Variants in SSMEM1 observed in about 807,000 individuals in gnomAD.
The protein encoded by SSMEM1 is serine-rich single-pass membrane protein 1.
SSMEM1 carries 12 observed loss-of-function variants against 9.9 expected under a neutral mutation model. That is an observed-to-expected ratio of 1.21 (90% CI 0.78 to 1.96). The LOEUF (loss-of-function observed/expected upper bound fraction) is 1.96. SSMEM1 is among the 30% of genes most tolerant of loss of function. SSMEM1 has a pLI of 0.00. For synonymous variants in SSMEM1, 96 were observed against 98.9 expected (o/e 0.97, Z 0.17); for missense variants, 259 against 292.2 (o/e 0.89, Z 0.83).
Position 130,207,874 on chromosome 7 carries a change from C to G in SSMEM1, c.-37C>G. 3 of 1,608,884 alleles carry G rather than the reference C, an allele frequency of 1.9e-6. No individual in the cohort carries two copies. Among genetic ancestry groups the G allele is most frequent in the Non-Finnish European group, 2.5e-6 (3 of 1,176,666 alleles). On this transcript the variant is annotated 5_prime_UTR_variant, in exon 1 of 3. Coordinates refer to ENST00000297819, the MANE Select transcript of SSMEM1 (RefSeq NM_145268.4). ...AAGTAGTTCCCAGTCATCTTTATCCCTTTAAGCATGGTTTATTTTCTGAGC... is the reference window on the plus strand; with the variant it reads ...AAGTAGTTCCCAGTCATCTTTATCCGTTTAAGCATGGTTTATTTTCTGAGC...
At chr7:130,211,544 T>C (rs1371585675) in intron 1 of SSMEM1, among the ~76,000 whole-genome samples, 2 of 152,180 alleles carry the variant, frequency 1.3e-5, no homozygotes, top group African/African-American at 2.4e-5. Flanking sequence ...AGGCACCTCA[T>C]TAAAGATGCT....
intron 2 of SSMEM1, among the ~76,000 whole-genome samples, chr7:130,215,376 C>A (rs1435195198): frequency 6.6e-6 from 1 of 152,142 alleles, no homozygotes; most frequent in East Asian, 1.9e-4. Context: ...CATAAAAAAC[C>A]AGAAGAGCAC....
chr7:130,215,882 G>A (rs534722171), intron 2 of SSMEM1, 92 bp from the exon 3 acceptor site: 1 of 1,503,052 alleles, frequency 6.7e-7, no homozygotes, highest in East Asian at 2.3e-5. Flanking sequence ...TGGCCACTAA[G>A]AGTGAGCTCA....
At chr7:130,209,415 T>A (rs1798550497) in intron 1 of SSMEM1, among the ~76,000 whole-genome samples, 1 of 152,220 alleles carries the variant, frequency 6.6e-6, no homozygotes. Flanking sequence ...AAAGTCTAAA[T>A]GCTTCTTAAG....
chr7:130,213,573 G>A, intron 2 of SSMEM1, 39 bp downstream of exon 2: 1 of 1,578,596 alleles, frequency 6.3e-7, no homozygotes, highest in Non-Finnish European at 8.7e-7. Flanking sequence ...ACTATGAGGG[G>A]AAGAATATGT....
chr7:130,207,945 A>T lies in SSMEM1; in HGVS notation c.35A>T (p.Asp12Val). The stretch of plus-strand genomic sequence containing the variant: ...CTTTTTTCCTTATTTTGGGAGGTAG[A>T]TCCTCCCCCAATACCTGTAAATTGT... Reference protein sequence around the residue: ...GDLFSLFWEVDPPPIPVNCAI... With the variant: ...GDLFSLFWEVVPPPIPVNCAI... The change falls in exon 1 of 3, where the codon GAT (aspartate) becomes GTT (valine). Residue 12 changes from aspartate to valine, a missense_variant. Physicochemically the swap from Asp to Val is radical, Grantham distance 152. Coordinates refer to ENST00000297819, the MANE Select transcript of SSMEM1 (RefSeq NM_145268.4). 1.1e-5 allele frequency: 17 copies of T among 1,613,864 alleles called. No individual in the cohort carries two copies. Among genetic ancestry groups the T allele is most frequent in the Non-Finnish European group, 1.4e-5 (16 of 1,179,922 alleles).
chr7:130,214,157 C>T (rs536801703), intron 2 of SSMEM1, among the ~76,000 whole-genome samples: 60 of 152,302 alleles, frequency 3.9e-4, no homozygotes, highest in Admixed American at 4.6e-4. Flanking sequence ...AAAGGTTGCA[C>T]GTCATCTCAG....
At chr7:130,209,065 G>A (rs1798542786) in intron 1 of SSMEM1, among the ~76,000 whole-genome samples, 1 of 152,180 alleles carries the variant, frequency 6.6e-6, no homozygotes, top group African/African-American at 2.4e-5. Context: ...GTTTCACCAT[G>A]TTGGCCAGGC....
rs544552485 is a variant in SSMEM1, at chr7:130,216,714, G to C, written c.*244G>C. On this transcript the variant is annotated 3_prime_UTR_variant, in exon 3 of 3. Transcript: ENST00000297819. ...TATATCTGCTATGATTTTTTTATTT[G>C]AAATAGCACAAGACAGATATTTTGT... 9 of 507,510 alleles carry C rather than the reference G, an allele frequency of 1.8e-5. No homozygotes were observed. The South Asian group carries it at 2.4e-4, about 13-fold the overall frequency. 31.4% of individuals were successfully genotyped at this position (507,510 alleles called of 1,614,324 possible).
At chr7:130,212,296 C>T (rs553813596) in intron 1 of SSMEM1, among the ~76,000 whole-genome samples, 55 of 152,236 alleles carry the variant, frequency 3.6e-4, no homozygotes, top group African/African-American at 1.3e-3. Context: ...ATCATGATTA[C>T]ATTTTGGAGG....
chr7:130,216,618 C>CTCA lies in SSMEM1; in HGVS notation c.*149_*151dup. On this transcript the variant is annotated 3_prime_UTR_variant, in exon 3 of 3. Coordinates refer to ENST00000297819, the MANE Select transcript of SSMEM1 (RefSeq NM_145268.4). The stretch of plus-strand genomic sequence containing the variant: ...ATACTTGGAACCCAAGAGGTAAAAT[C>CTCA]TCACACAATTCTTCGTTCAAAAAAA... 1.0e-6 allele frequency: 1 copy of CTCA among 1,004,450 alleles called. No individual in the cohort carries two copies. The highest frequency in any genetic ancestry group is 1.4e-6 in the Non-Finnish European group (1 of 698,454). The allele number at this position is 1,004,450 out of a possible 1,614,324, so 62.2% of individuals were successfully genotyped here.
upstream of SSMEM1, chr7:130,207,806 T>C: frequency 8.1e-7 from 1 of 1,234,854 alleles, no homozygotes; most frequent in Non-Finnish European, 1.2e-6. Context: ...GTATGTGTCA[T>C]AATAGGTTGC....
At chr7:130,205,925 C>T (rs1241437326), upstream of SSMEM1, among the ~76,000 whole-genome samples, 2 of 152,156 alleles carry the variant, frequency 1.3e-5, no homozygotes, top group Non-Finnish European at 2.9e-5. Flanking sequence ...ATCCGCCCGC[C>T]TCAGCCTCCC....
rs867529168 is a variant in SSMEM1 at position 130,216,067 on chromosome 7, CT to C, written c.333del (p.Val112Ter). The C allele has an allele frequency of 1.7e-5, 28 of 1,614,222 alleles. No homozygotes were observed. The highest frequency in any genetic ancestry group is 2.4e-5 in the Non-Finnish European group (28 of 1,180,048). On this transcript the variant is annotated frameshift_variant, in exon 3 of 3. Transcript: ENST00000297819. LOFTEE classifies it low-confidence loss of function (END_TRUNC). ...AAACCAAAGCAGAACCAACTTACCC[CT>C]GTAACCAACTCAGAAGTGGCTTTGG... Reference protein sequence around the residue: ...MKKPKQNQLTPVTNSEVALVN... With the variant: ...MKKPKQNQLTXVTNSEVALVN...
At chr7:130,215,581 C>T (rs954123596) in intron 2 of SSMEM1, among the ~76,000 whole-genome samples, 10 of 152,188 alleles carry the variant, frequency 6.6e-5, no homozygotes, top group South Asian at 2.1e-4. Flanking sequence ...CACACCACTA[C>T]GTAAAGGAAA....
rs1404413432 is a variant in SSMEM1 at position 130,216,399 on chromosome 7, C to T, written c.664C>T (p.Pro222Ser). 2 of 1,614,202 alleles carry T rather than the reference C, an allele frequency of 1.2e-6. No homozygotes were observed. The highest frequency in any genetic ancestry group is 1.7e-6 in the Non-Finnish European group (2 of 1,180,036). The change falls in exon 3 of 3, where the codon CCG (proline) becomes TCG (serine). Residue 222 changes from proline to serine, a missense_variant. Pro to Ser is a moderately conservative substitution (Grantham distance 74). Transcript: ENST00000297819. ...TTCCCGACAGAAGCCTTCAGTAACA[C>T]CGCCAATGAAAAGAGACAGTCAAGA... ...HHSRQKPSVT[P>S]PMKRDSQEES...
At chr7:130,208,211 A>G (rs1584710328) in intron 1 of SSMEM1, 118 bp downstream of exon 1, 2 of 1,003,214 alleles carry the variant, frequency 2.0e-6, no homozygotes, top group East Asian at 2.7e-5. Flanking sequence ...AGTTTTAAAA[A>G]TAATGCAATC....
At position 130,216,468 on chromosome 7, in the gene SSMEM1, T is replaced by A; in HGVS notation, c.733T>A (p.Ter245ArgextTer9). 1.2e-6 allele frequency: 2 copies of A among 1,607,540 alleles called. No individual in the cohort carries two copies. Among genetic ancestry groups the A allele is most frequent in the East Asian group, 4.5e-5 (2 of 44,760 alleles). The change falls in exon 3 of 3, where the codon TGA (stop) becomes AGA (arginine). Residue 245 changes from the stop codon to arginine (R), a stop_lost. Coordinates refer to ENST00000297819, the MANE Select transcript of SSMEM1 (RefSeq NM_145268.4). ...SDINKKFSKF* is the reference protein window; with the variant it reads ...SDINKKFSKFR The stretch of plus-strand genomic sequence containing the variant: ...CATTAACAAGAAATTTAGTAAATTT[T>A]GAATTTTATCACGTTCTTCCTTCAC...
At position 130,216,610 on chromosome 7, in the gene SSMEM1, G is replaced by A. The variant is rs1043606920; in HGVS notation, c.*140G>A. 1.8e-6 allele frequency: 2 copies of A among 1,082,662 alleles called. No individual in the cohort carries two copies. Among genetic ancestry groups the A allele is most frequent in the Admixed American group, 5.4e-5 (2 of 36,886 alleles). The allele number at this position is 1,082,662 out of a possible 1,614,324, so 67.1% of individuals were successfully genotyped here. On this transcript the variant is annotated 3_prime_UTR_variant, in exon 3 of 3. Transcript: ENST00000297819. ...ACAAAAACATACTTGGAACCCAAGA[G>A]GTAAAATCTCACACAATTCTTCGTT...
Sources: gnomAD v4.1 joint callset for allele counts (sites outside exome capture counted in the v4.1 genomes callset) on GRCh38, gnomAD v4.1.1 for gene constraint, MANE v1.5 for transcripts, NCBI Gene and HGNC (gene_info 2026-07-23, HGNC 2026-07-21) for gene names.